Variants in RYR3 observed in about 807,000 individuals in gnomAD.
RYR3 encodes the protein brain ryanodine receptor-calcium release channel.
In RYR3, 207 loss-of-function variants were observed where a neutral mutation model predicts 584.3. The observed-to-expected ratio is 0.35, with a 90% CI of 0.32 to 0.40. The LOEUF (loss-of-function observed/expected upper bound fraction) is 0.40, where lower values mean the gene tolerates loss of function less well. Among genes scored for constraint, RYR3 ranks in the 10% least tolerant of loss-of-function variants. RYR3 has a pLI of 1.00. For missense variants in RYR3, 5,616 were observed against 6,089.2 expected, an observed-to-expected ratio of 0.92 and a Z score of 2.59; for synonymous variants, 2,416 against 2,248.5, an observed-to-expected ratio of 1.07 and a Z score of -2.11.
chr15:33,694,828 C>T (rs1052594506), intron 38 of RYR3, among the ~76,000 whole-genome samples: 2 of 152,182 alleles, frequency 1.3e-5, no homozygotes, highest in Non-Finnish European at 2.9e-5. Flanking sequence ...TTAAGGTTCT[C>T]AGTTTATGTG....
At chr15:33,762,043 C>T (rs1451259037) in intron 60 of RYR3, among the ~76,000 whole-genome samples, 4 of 152,014 alleles carry the variant, frequency 2.6e-5, no homozygotes, top group East Asian at 1.9e-4. Context: ...AAAAGGCCTT[C>T]GATAAAATTC....
chr15:33,326,394 A>G (rs944631304), intron 1 of RYR3, among the ~76,000 whole-genome samples: 1 of 152,230 alleles, frequency 6.6e-6, no homozygotes, highest in Non-Finnish European at 1.5e-5. Flanking sequence ...ACATAATCCC[A>G]TTTTCAAGGA....
chr15:33,408,375 T>G lies in RYR3; in HGVS notation c.52-65044T>G, dbSNP rs74771764. On this transcript the variant is annotated intron_variant, in intron 1 of 103. Coordinates refer to ENST00000634891, the MANE Select transcript of RYR3 (RefSeq NM_001036.6). ...GTTGTGTAGTAGTCCATGATATGTGTGTTCCACATCATCTTTATCCAGTCC... is the reference window on the plus strand; with the variant it reads ...GTTGTGTAGTAGTCCATGATATGTGGGTTCCACATCATCTTTATCCAGTCC... Among the ~76,000 whole-genome samples, 176 of 152,358 alleles carry G rather than the reference T, an allele frequency of 1.2e-3. 2 individuals carry two copies. The East Asian group carries it at 0.026, about 23-fold the overall frequency.
chr15:33,435,400 A>G (rs765847366), intron 1 of RYR3, among the ~76,000 whole-genome samples: 1 of 152,170 alleles, frequency 6.6e-6, no homozygotes, highest in African/African-American at 2.4e-5. Flanking sequence ...GTGGCATTCC[A>G]GTGTATACAT....
At chr15:33,322,620 T>A (rs1484516968) in intron 1 of RYR3, among the ~76,000 whole-genome samples, 1 of 152,236 alleles carries the variant, frequency 6.6e-6, no homozygotes, top group African/African-American at 2.4e-5. Flanking sequence ...GACTTATTTA[T>A]TTTTGTACAT....
intron 10 of RYR3, among the ~76,000 whole-genome samples, chr15:33,559,206 A>G (rs1207449820): frequency 6.6e-6 from 1 of 152,160 alleles, no homozygotes; most frequent in Non-Finnish European, 1.5e-5. Flanking sequence ...AGCCCTGGAA[A>G]GGACAGTCCG....
chr15:33,745,859 C>G (rs191786083), intron 52 of RYR3, among the ~76,000 whole-genome samples: 3 of 152,266 alleles, frequency 2.0e-5, no homozygotes, highest in Non-Finnish European at 4.4e-5. Context: ...GCAACTGAAA[C>G]AAGAAGGAAT....
intron 3 of RYR3, among the ~76,000 whole-genome samples, chr15:33,528,060 A>T (rs2054544020): frequency 6.6e-6 from 1 of 152,172 alleles, no homozygotes. Context: ...CTTTCATGGA[A>T]ACGGAATGAG....
chr15:33,766,516 A>G (rs2073088650), intron 60 of RYR3, among the ~76,000 whole-genome samples: 1 of 152,232 alleles, frequency 6.6e-6, no homozygotes, highest in Non-Finnish European at 1.5e-5. Context: ...TGAGATATTC[A>G]GATAATCCAA....
intron 10 of RYR3, among the ~76,000 whole-genome samples, chr15:33,561,590 T>C (rs983568429): frequency 6.6e-6 from 1 of 152,134 alleles, no homozygotes; most frequent in Non-Finnish European, 1.5e-5. Flanking sequence ...AATGACGCAA[T>C]ACATATGCTG....
chr15:33,571,117 G>A (rs2152497751), intron 12 of RYR3, among the ~76,000 whole-genome samples: 1 of 141,284 alleles, frequency 7.1e-6, no homozygotes, highest in Non-Finnish European at 1.6e-5. Context: ...GAATAAAAGT[G>A]ATGTGAACAG....
chr15:33,633,165 G>T (rs1424486348), intron 24 of RYR3, 57 bp downstream of exon 24: 14 of 1,569,810 alleles, frequency 8.9e-6, no homozygotes, highest in Admixed American at 1.7e-5. Flanking sequence ...TCATCCACGT[G>T]CCGTTTTGCT....
intron 16 of RYR3, among the ~76,000 whole-genome samples, chr15:33,598,752 TA>T (rs1456509248): frequency 1.0e-4 from 12 of 114,708 alleles, no homozygotes; most frequent in Non-Finnish European, 1.5e-4. Context: ...CAAGTAAAAC[TA>T]AAAAAAAAAA....
chr15:33,854,849 C>A lies in RYR3; in HGVS notation c.13944C>A (p.Asp4648Glu). ...NNFFFAAHLL[D>E]IAMGFKTLRT... ...TCTTCTTTGCTGCTCACCTATTGGA[C>A]ATCGCAATGGGCTTCAAGACACTGA... Residue 4648 changes from aspartate (D) to glutamate (E), a missense_variant, in exon 98 of 104, where the codon GAC becomes GAA. By Grantham distance (45) the Asp-to-Glu change is conservative. Around this residue, in one of 9 missense-constraint regions of RYR3, gnomAD observed 918 missense variants for 887.4 expected, o/e 1.03. Transcript: ENST00000634891. The A allele has an allele frequency of 6.2e-7, 1 of 1,613,852 alleles. No individual in the cohort carries two copies. Among genetic ancestry groups the A allele is most frequent in the South Asian group, 1.1e-5 (1 of 91,052 alleles).
Position 33,554,581 on chromosome 15 carries a change from C to T in RYR3, c.972+4265C>T, listed in dbSNP as rs546940740. Among the ~76,000 whole-genome samples, 478 of 152,330 alleles carry T rather than the reference C, an allele frequency of 3.1e-3. 1 individual carries two copies. Among genetic ancestry groups the T allele is most frequent in the African/African-American group, 8.2e-3 (340 of 41,580 alleles). On this transcript the variant is annotated intron_variant, in intron 10 of 103. Transcript: ENST00000634891. The stretch of plus-strand genomic sequence containing the variant: ...AAAGTGCTGGGATTACAGGCGTGAG[C>T]CACTGTGCCTGGCCAACCTCCATTA...
At chr15:33,765,625 T>C (rs2072965982) in intron 60 of RYR3, among the ~76,000 whole-genome samples, 1 of 96,644 alleles carries the variant, frequency 1.0e-5, no homozygotes. Flanking sequence ...AGAGTGAGAC[T>C]CCGTCTCAAA....
chr15:33,376,614 A>G (rs774136251), intron 1 of RYR3, among the ~76,000 whole-genome samples: 7 of 152,236 alleles, frequency 4.6e-5, no homozygotes, highest in Non-Finnish European at 8.8e-5. Flanking sequence ...AGTTGCGACT[A>G]TAACAGCCAA....
At chr15:33,538,071 T>C (rs2055487241) in intron 5 of RYR3, among the ~76,000 whole-genome samples, 1 of 152,166 alleles carries the variant, frequency 6.6e-6, no homozygotes, top group African/African-American at 2.4e-5. Context: ...AGCTGTTTCA[T>C]GAATGTCCTC....
At chr15:33,728,008 A>G (rs71462876) in intron 46 of RYR3, among the ~76,000 whole-genome samples, 14,768 of 152,246 alleles carry the variant, frequency 0.097, 1,027 homozygotes, top group East Asian at 0.32. Context: ...CCTAAATCAG[A>G]CGATTATTTC....
Sources: allele counts gnomAD v4.1 joint callset (sites outside exome capture counted in the v4.1 genomes callset), GRCh38; gene constraint gnomAD v4.1.1; regional missense constraint gnomAD v4.1.1; transcripts MANE v1.5; gene names NCBI Gene and HGNC (gene_info 2026-07-23, HGNC 2026-07-21).